OR1M1: variants seen among roughly 807,000 people sequenced by gnomAD.
OR1M1 encodes olfactory receptor family 1 subfamily M member 1.
For missense variants in OR1M1, 397 were observed against 401.8 expected (o/e 0.99, Z 0.10); for synonymous variants, 157 against 165.5 (o/e 0.95, Z 0.39).
At chr19:9,092,035 A>G (rs1455132370) in intron 1 of OR1M1, among the ~76,000 whole-genome samples, 1 of 133,784 alleles carries the variant, frequency 7.5e-6, no homozygotes, top group Non-Finnish European at 1.6e-5. Context: ...CAGCCTCCCG[A>G]GTACTTGGAA....
chr19:9,087,488 G>A (rs187500136), intron 1 of OR1M1, among the ~76,000 whole-genome samples: 10 of 152,078 alleles, frequency 6.6e-5, no homozygotes, highest in Non-Finnish European at 2.9e-5. Flanking sequence ...TTTTGCTCTT[G>A]TTGCCCAGGC....
intron 1 of OR1M1, 123 bp from the exon 2 acceptor site, chr19:9,093,109 C>CAT (rs1555707937): frequency 0.029 from 13,881 of 483,744 alleles, 184 homozygotes; most frequent in Middle Eastern, 0.073. Context: ...CACACACACA[C>CAT]ATATATATAT....
chr19:9,090,582 G>A (rs2050286828), intron 1 of OR1M1, among the ~76,000 whole-genome samples: 1 of 151,950 alleles, frequency 6.6e-6, no homozygotes, highest in Non-Finnish European at 1.5e-5. Flanking sequence ...TTACAGGCAT[G>A]CGCCACCATG....
chr19:9,089,550 A>T (rs1223032941), intron 1 of OR1M1, among the ~76,000 whole-genome samples: 1 of 151,660 alleles, frequency 6.6e-6, no homozygotes. Flanking sequence ...CAGCCTCCCA[A>T]GTAGCCAGGA....
At chr19:9,090,490 C>T (rs747382754) in intron 1 of OR1M1, among the ~76,000 whole-genome samples, 5 of 152,064 alleles carry the variant, frequency 3.3e-5, no homozygotes, top group East Asian at 1.9e-4. Flanking sequence ...GATGGAGTTT[C>T]GCTCTTGCTG....
In OR1M1 at chr19:9,088,830, G is replaced by C. The variant is rs145511940; in HGVS notation, c.-14+1673G>C. On this transcript the variant is annotated intron_variant, in intron 1 of 1. Transcript: ENST00000641627. Reference sequence around the variant, plus strand: ...TTATATCCGGGAGGCAGAGGTTGCAGTGAGCTGAGATTGCACCATTGCACT... The same window carrying C: ...TTATATCCGGGAGGCAGAGGTTGCACTGAGCTGAGATTGCACCATTGCACT... Among the ~76,000 whole-genome samples, 1,412 of 151,590 alleles carry C rather than the reference G, an allele frequency of 9.3e-3. 27 individuals are homozygous for C. Among genetic ancestry groups the C allele is most frequent in the African/African-American group, 0.032 (1,334 of 41,316 alleles).
chr19:9,087,195 G>A (rs1195311355), intron 1 of OR1M1, 38 bp downstream of exon 1: 2 of 151,424 alleles, frequency 1.3e-5, no homozygotes, highest in Non-Finnish European at 2.9e-5. Context: ...GAGAGAGACT[G>A]AACGAATGTT....
intron 1 of OR1M1, among the ~76,000 whole-genome samples, chr19:9,092,071 G>GA (rs1220139148): frequency 1.3e-5 from 1 of 74,878 alleles, no homozygotes; most frequent in South Asian, 4.4e-4. Flanking sequence ...ATCATGCCTG[G>GA]CTTTTTTTTT....
At chr19:9,089,510 G>A (rs959996118) in intron 1 of OR1M1, among the ~76,000 whole-genome samples, 3 of 147,796 alleles carry the variant, frequency 2.0e-5, no homozygotes, top group African/African-American at 7.5e-5. Context: ...TGCAACCTCC[G>A]CCTCCTGGGT....
chr19:9,088,598 T>C (rs538336274), intron 1 of OR1M1, among the ~76,000 whole-genome samples: 37 of 152,082 alleles, frequency 2.4e-4, no homozygotes, highest in African/African-American at 8.4e-4. Flanking sequence ...AAAAATACTC[T>C]GACTCGGCCA....
At position 9,093,589 on chromosome 19, in the gene OR1M1, C is replaced by T. The variant is rs747019370; in HGVS notation, c.345C>T (p.Ile115=). Residue 115 remains isoleucine (I), a synonymous_variant, in exon 2 of 2, where the codon ATC becomes ATT. Transcript: ENST00000641627. The part of the protein sequence containing the change: ...HFFGIVDSVI[I]AMMAYDRFVA... ...TTGGCATCGTGGACAGCGTCATAATCGCCATGATGGCTTATGACCGGTTCG... is the reference window on the plus strand; with the variant it reads ...TTGGCATCGTGGACAGCGTCATAATTGCCATGATGGCTTATGACCGGTTCG... 6 of 1,614,118 alleles carry T rather than the reference C, an allele frequency of 3.7e-6. No homozygotes were observed. The highest frequency in any genetic ancestry group is 5.1e-6 in the Non-Finnish European group (6 of 1,179,980).
chr19:9,092,545 A>G (rs1436557307), intron 1 of OR1M1, among the ~76,000 whole-genome samples: 1 of 151,928 alleles, frequency 6.6e-6, no homozygotes, highest in African/African-American at 2.4e-5. Context: ...CAAGGTTGCA[A>G]TGAACTATGA....
At position 9,094,168 on chromosome 19, in the gene OR1M1, G is replaced by T; in HGVS notation, c.924G>T (p.Lys308Asn). The stretch of plus-strand genomic sequence containing the variant: ...CTCTCAGGAAGCTGGTCAACAGAAA[G>T]ATCACCTCATCTTCCTGACCACCAG... ...KGALRKLVNR[K>N]ITSSS Residue 308 changes from lysine to asparagine, a missense_variant, in exon 2 of 2, where the codon AAG becomes AAT. Transcript: ENST00000641627. 1 of 1,607,986 alleles carries T rather than the reference G, an allele frequency of 6.2e-7. No individual in the cohort carries two copies. The highest frequency in any genetic ancestry group is 8.5e-7 in the Non-Finnish European group (1 of 1,178,902).
intron 1 of OR1M1, among the ~76,000 whole-genome samples, chr19:9,089,597 G>A (rs2050282557): frequency 6.6e-6 from 1 of 151,894 alleles, no homozygotes; most frequent in African/African-American, 2.4e-5. Flanking sequence ...ATAATTTTTT[G>A]TATTTTTAGT....
intron 1 of OR1M1, among the ~76,000 whole-genome samples, chr19:9,089,339 C>T (rs1165610621): frequency 6.6e-6 from 1 of 151,898 alleles, no homozygotes; most frequent in East Asian, 1.9e-4. Flanking sequence ...TAATATGCTC[C>T]AATTCTTTCC....
At chr19:9,091,879 A>C (rs1167004464) in intron 1 of OR1M1, among the ~76,000 whole-genome samples, 1 of 151,994 alleles carries the variant, frequency 6.6e-6, no homozygotes, top group Non-Finnish European at 1.5e-5. Flanking sequence ...GAAGAAAGAA[A>C]AGAGGGAAAG....
intron 1 of OR1M1, among the ~76,000 whole-genome samples, chr19:9,090,262 G>A (rs1012977910): frequency 6.6e-6 from 1 of 152,058 alleles, no homozygotes; most frequent in Non-Finnish European, 1.5e-5. Flanking sequence ...TCATATATTT[G>A]TCCCCACAAC....
chr19:9,094,201 G>T lies in OR1M1; in HGVS notation c.*15G>T. 6.5e-7 allele frequency: 1 copy of T among 1,536,204 alleles called. No homozygotes were observed. ...CATCTTCCTGACCACCAGGACTCAG[G>T]AACTTCTGGGGGGTAGAATATATAC... On this transcript the variant is annotated 3_prime_UTR_variant, in exon 2 of 2. Transcript: ENST00000641627.
At chr19:9,090,380 A>G (rs758888745) in intron 1 of OR1M1, among the ~76,000 whole-genome samples, 13 of 152,374 alleles carry the variant, frequency 8.5e-5, no homozygotes, top group Non-Finnish European at 1.8e-4. Flanking sequence ...TGTTCATTAG[A>G]AATCACAAAA....
Sources: gnomAD v4.1 joint callset for allele counts (sites outside exome capture counted in the v4.1 genomes callset) on GRCh38, gnomAD v4.1.1 for gene constraint, MANE v1.5 for transcripts, NCBI Gene and HGNC (gene_info 2026-07-23, HGNC 2026-07-21) for gene names.